SUN1: variants seen among roughly 807,000 people sequenced by gnomAD.
SUN1 encodes the protein SUN domain-containing protein 1.
SUN1 carries 61 observed loss-of-function variants against 103.2 expected under a neutral mutation model. That is an observed-to-expected ratio of 0.59 (90% confidence interval 0.48 to 0.73). SUN1 has a LOEUF of 0.73. Among genes scored for constraint, SUN1 ranks in the 30% least tolerant of loss-of-function variants. The pLI, the probability that SUN1 is intolerant of heterozygous loss-of-function variation, is 0.00. For missense variants in SUN1, 1,052 were observed against 1,034.6 expected (o/e 1.02, Z -0.23); for synonymous variants, 490 against 425.7 (o/e 1.15, Z -1.86).
At chr7:838,611 A>G (rs1191466640) in intron 1 of SUN1, among the ~76,000 whole-genome samples, 187 bp from the exon 2 acceptor site, 2 of 152,320 alleles carry the variant, frequency 1.3e-5, no homozygotes, top group East Asian at 1.9e-4. Context: ...GCTGGGGCAG[A>G]TGTCAGGAGC....
At position 866,045 on chromosome 7, in the gene SUN1, A is replaced by G. The variant is rs573186073; in HGVS notation, c.1958A>G (p.Gln653Arg). The G allele has an allele frequency of 1.2e-5, 19 of 1,614,102 alleles. No individual in the cohort carries two copies. Among genetic ancestry groups the G allele is most frequent in the East Asian group, 2.2e-5 (1 of 44,874 alleles). The part of the protein sequence containing the change: ...LFGIPLWYFS[Q>R]SPRVVIQPDI... ...GGGATCCCGCTGTGGTACTTCTCGC[A>G]GTCCCCGCGCGTGGTCATCCAGGTG... Residue 653 changes from glutamine (Q) to arginine (R), a missense_variant, in exon 16 of 19, where the codon CAG becomes CGG. Transcript: ENST00000401592.
intron 7 of SUN1, 110 bp downstream of exon 7, chr7:852,153 T>C (rs559748300): frequency 2.0e-6 from 2 of 993,542 alleles, no homozygotes; most frequent in South Asian, 3.0e-5. Context: ...TATATTTACA[T>C]AGTGTTTGTA....
rs570404814 is a variant in SUN1, at chr7:839,542, C to T, written c.266+556C>T. 1.3e-4 allele frequency among the ~76,000 whole-genome samples: 15 copies of T among 117,330 alleles called. 5 individuals are homozygous for T. The highest frequency in any genetic ancestry group is 9.8e-3 in the Middle Eastern group (2 of 204). The allele number at this position is 117,330 out of a possible 152,430, so 77.0% of individuals were successfully genotyped here. A position where few individuals can be genotyped will look rare whatever the true frequency, so the allele number is the denominator to read the frequency against. ...CTGGGATTACAGGCGCCCGCCACCACGCCTGGCAAATTTTCCTTTTTTTTT... is the reference window on the plus strand; with the variant it reads ...CTGGGATTACAGGCGCCCGCCACCATGCCTGGCAAATTTTCCTTTTTTTTT... On this transcript the variant is annotated intron_variant, in intron 2 of 18. Coordinates refer to ENST00000401592, the MANE Select transcript of SUN1 (RefSeq NM_001130965.3).
chr7:868,381 G>A, intron 16 of SUN1: 1 of 262,980 alleles, frequency 3.8e-6, no homozygotes, highest in Non-Finnish European at 7.5e-6. Context: ...TGCGCAGCAG[G>A]CCGACCTTGC....
intron 3 of SUN1, chr7:842,550 C>T (rs1314945135): frequency 4.9e-6 from 1 of 204,526 alleles, no homozygotes; most frequent in South Asian, 9.7e-5. Context: ...GTGAAGCAGC[C>T]AGGGTTAGAG....
chr7:846,875 A>G lies in SUN1; in HGVS notation c.658+3355A>G, dbSNP rs1816353542. Reference sequence around the variant, plus strand: ...AAAAAATACAAAACGTCAGCTGGGCATGGTGGCCAGCGCCTGTAATCCCAG... The same window carrying G: ...AAAAAATACAAAACGTCAGCTGGGCGTGGTGGCCAGCGCCTGTAATCCCAG... On this transcript the variant is annotated intron_variant, in intron 5 of 18. Transcript: ENST00000401592. 2.0e-5 allele frequency among the ~76,000 whole-genome samples: 3 copies of G among 151,812 alleles called. No homozygotes were observed. The South Asian group carries it at 6.3e-4, about 32-fold the overall frequency.
At chr7:842,662 TC>T (rs1325659405) in intron 3 of SUN1, 1 of 190,708 alleles carries the variant, frequency 5.2e-6, no homozygotes, top group Non-Finnish European at 1.1e-5. Flanking sequence ...GAGCATGGGG[TC>T]CCAAGGCTGT....
rs1386427991 is a variant in SUN1 at position 873,938 on chromosome 7, C to T, written c.*607C>T. On this transcript the variant is annotated 3_prime_UTR_variant, in exon 19 of 19. Transcript: ENST00000401592. The stretch of plus-strand genomic sequence containing the variant: ...AGGTTTCCAGTCAGGACTCGCTGTA[C>T]CAATATCCATGGAGGAATATGGGAG... 2 of 152,490 alleles carry T rather than the reference C, an allele frequency of 1.3e-5. No homozygotes were observed. Among genetic ancestry groups the T allele is most frequent in the Non-Finnish European group, 2.9e-5 (2 of 68,130 alleles). 9.4% of individuals were successfully genotyped at this position (152,490 alleles called of 1,614,324 possible). A position where few individuals can be genotyped will look rare whatever the true frequency, so the allele number is the denominator to read the frequency against.
chr7:855,746 C>T lies in SUN1; in HGVS notation c.1351-612C>T, dbSNP rs139247147. On this transcript the variant is annotated intron_variant, in intron 11 of 18. Coordinates refer to ENST00000401592, the MANE Select transcript of SUN1 (RefSeq NM_001130965.3). ...TACCCGCCTGCGAGGGTCTGCGGGGCGCCTCCTCCTGTGTCCGCCTGAGAA... is the reference window on the plus strand; with the variant it reads ...TACCCGCCTGCGAGGGTCTGCGGGGTGCCTCCTCCTGTGTCCGCCTGAGAA... Among the ~76,000 whole-genome samples the T allele has an allele frequency of 3.6e-3, 544 of 152,248 alleles. 1 individual carries two copies. Among genetic ancestry groups the T allele is most frequent in the Non-Finnish European group, 5.4e-3 (365 of 68,014 alleles).
In SUN1 at chr7:843,294, C is replaced by G. The variant is rs202020307; in HGVS notation, c.479-47C>G. The G allele has an allele frequency of 3.1e-6, 5 of 1,604,670 alleles. No homozygotes were observed. In the African/African-American group the frequency reaches 4.0e-5, roughly 13 times the overall value. ...CAAAATAGAAGTTTTAGTTAAATAT[C>G]TGCAGACTGTGATAAACAGGTTCCA... On this transcript the variant is annotated intron_variant, in intron 4 of 18. Coordinates refer to ENST00000401592, the MANE Select transcript of SUN1 (RefSeq NM_001130965.3).
In SUN1 at chr7:848,046, T is replaced by A. The variant is rs796463012; in HGVS notation, c.659-3338T>A. 2.8e-4 allele frequency among the ~76,000 whole-genome samples: 42 copies of A among 150,752 alleles called. 1 individual carries two copies. Among genetic ancestry groups the A allele is most frequent in the African/African-American group, 9.6e-4 (39 of 40,802 alleles). ...TTACTCTGCAGTCCAGTCTCCGGGA[T>A]CCCCTGGGGGTTACCCCGCAGCGCC... On this transcript the variant is annotated intron_variant, in intron 5 of 18. Transcript: ENST00000401592.
intron 1 of SUN1, among the ~76,000 whole-genome samples, chr7:833,724 C>T (rs1316825288): frequency 4.6e-5 from 7 of 152,226 alleles, no homozygotes; most frequent in East Asian, 1.9e-4. Context: ...ATTCGATGAT[C>T]GAGTTTTTAA....
Position 853,611 on chromosome 7 carries a change from C to A in SUN1, c.1256C>A (p.Pro419Gln). 1.9e-6 allele frequency: 3 copies of A among 1,601,778 alleles called. No homozygotes were observed. The highest frequency in any genetic ancestry group is 2.5e-6 in the Non-Finnish European group (3 of 1,179,774). ...GTCAGAGACGCTGTGGGACAGCCCCCGAGGGAGGTGGGTGCTGCCGGGCTA... is the reference window on the plus strand; with the variant it reads ...GTCAGAGACGCTGTGGGACAGCCCCAGAGGGAGGTGGGTGCTGCCGGGCTA... Reference protein sequence around the residue: ...ASVRDAVGQPPRETDFMAFHQ... With the variant: ...ASVRDAVGQPQRETDFMAFHQ... Residue 419 changes from proline (P) to glutamine (Q), a missense_variant, in exon 10 of 19, where the codon CCG becomes CAG. Transcript: ENST00000401592.
intron 18 of SUN1, among the ~76,000 whole-genome samples, chr7:872,947 C>T (rs1045734701): frequency 1.3e-5 from 2 of 152,158 alleles, no homozygotes; most frequent in South Asian, 2.1e-4. Context: ...ATGAGCTGGG[C>T]GTGGTGGCGC....
At chr7:817,257 G>C in intron 1 of SUN1, 1 of 684,438 alleles carries the variant, frequency 1.5e-6, no homozygotes, top group African/African-American at 1.8e-5. Flanking sequence ...ACCGCGCCCG[G>C]CTGATAGTCG....
chr7:818,954 C>G (rs915809393), intron 1 of SUN1, among the ~76,000 whole-genome samples: 5 of 152,092 alleles, frequency 3.3e-5, no homozygotes, highest in South Asian at 2.1e-4. Flanking sequence ...ACCTCCGCCT[C>G]CCGGGCTCAA....
At chr7:865,114 AC>A (rs1231570520) in intron 15 of SUN1, among the ~76,000 whole-genome samples, 1 of 151,806 alleles carries the variant, frequency 6.6e-6, no homozygotes, top group Non-Finnish European at 1.5e-5. Flanking sequence ...TAACATAGTG[AC>A]CTCTGGTAGC....
At chr7:868,437 G>T in intron 16 of SUN1, 1 of 301,466 alleles carries the variant, frequency 3.3e-6, no homozygotes, top group Non-Finnish European at 6.5e-6. Flanking sequence ...GCCGGGTTAG[G>T]TTAGAACGTG....
chr7:858,059 A>G (rs1187582953), intron 13 of SUN1, 102 bp downstream of exon 13: 7 of 1,353,418 alleles, frequency 5.2e-6, no homozygotes, highest in Middle Eastern at 2.8e-4. Context: ...TTATTTATTT[A>G]TTTATTTTTG....
Sources: gnomAD v4.1 joint callset for allele counts (sites outside exome capture counted in the v4.1 genomes callset) on GRCh38, gnomAD v4.1.1 for gene constraint, MANE v1.5 for transcripts, NCBI Gene and HGNC (gene_info 2026-07-23, HGNC 2026-07-21) for gene names.